Variants in CNNM2 observed in about 807,000 individuals in gnomAD.
The protein encoded by CNNM2 is cyclin and CBS domain divalent metal cation transport mediator 2.
Under a neutral mutation model 66.9 loss-of-function variants are expected in CNNM2, and 12 were observed. The observed-to-expected ratio is 0.18, with a 90% confidence interval of 0.11 to 0.29. The LOEUF (loss-of-function observed/expected upper bound fraction) is 0.29. CNNM2 is among the 10% of genes least tolerant of loss of function. CNNM2 has a pLI of 1.00. For missense variants in CNNM2, 705 were observed against 1,167.7 expected, an observed-to-expected ratio of 0.60 and a Z score of 5.77; for synonymous variants, 557 against 501.8, an observed-to-expected ratio of 1.11 and a Z score of -1.47.
intron 1 of CNNM2, among the ~76,000 whole-genome samples, chr10:102,923,819 C>T (rs1253976477): frequency 6.6e-6 from 1 of 152,178 alleles, no homozygotes; most frequent in Non-Finnish European, 1.5e-5. Flanking sequence ...TAATGTGCTT[C>T]TTCCATGGGC....
At chr10:102,939,799 C>G (rs1460937442) in intron 1 of CNNM2, among the ~76,000 whole-genome samples, 1 of 151,944 alleles carries the variant, frequency 6.6e-6, no homozygotes, top group African/African-American at 2.4e-5. Flanking sequence ...GGTGAAACAC[C>G]GTCTCTACTA....
intron 1 of CNNM2, among the ~76,000 whole-genome samples, chr10:103,004,645 G>T (rs1390409896): frequency 6.6e-6 from 1 of 152,206 alleles, no homozygotes; most frequent in Non-Finnish European, 1.5e-5. Context: ...CATAGGATAT[G>T]CTTGTGTTTG....
At chr10:102,970,173 A>G (rs928952137) in intron 1 of CNNM2, among the ~76,000 whole-genome samples, 1 of 152,166 alleles carries the variant, frequency 6.6e-6, no homozygotes, top group Non-Finnish European at 1.5e-5. Context: ...TATTTTAGCC[A>G]GGTGTGGTGG....
intron 1 of CNNM2, among the ~76,000 whole-genome samples, chr10:102,923,196 C>CT (rs1845720893): frequency 6.6e-6 from 1 of 151,706 alleles, no homozygotes; most frequent in South Asian, 2.1e-4. Flanking sequence ...CTGTGATTGT[C>CT]TTTTTTCTCT....
chr10:102,919,907 G>A lies in CNNM2; in HGVS notation c.1427G>A (p.Ser476Asn). Residue 476 changes from serine to asparagine, a missense_variant, in exon 1 of 8, where the codon AGC (serine) becomes AAC (asparagine). Physicochemically the swap from Ser to Asn is conservative, Grantham distance 46. Transcript: ENST00000369878. ...AACACCATGTCTGAGATCATGGAGA[G>A]CGGCTACACCCGCATTCCAGTGTTT... ...DFNTMSEIME[S>N]GYTRIPVFEG... The A allele has an allele frequency of 2.5e-6, 4 of 1,614,226 alleles. No homozygotes were observed. Among genetic ancestry groups the A allele is most frequent in the Non-Finnish European group, 3.4e-6 (4 of 1,180,046 alleles).
chr10:102,983,168 C>G (rs1174097460), intron 1 of CNNM2, among the ~76,000 whole-genome samples: 1 of 151,662 alleles, frequency 6.6e-6, no homozygotes, highest in Non-Finnish European at 1.5e-5. Context: ...AGACCTTGCT[C>G]AGGTGTGATC....
rs1172740507 is a variant in CNNM2 at position 103,028,824 on chromosome 10, T to C, written c.1622-20883T>C. On this transcript the variant is annotated intron_variant, in intron 1 of 7. Coordinates refer to ENST00000369878, the MANE Select transcript of CNNM2 (RefSeq NM_017649.5). ...TTTCTTTTTCTTTTTCTTTTTTTTT[T>C]TTTCTTTTTTTTTTTTTTGAGACAG... Among the ~76,000 whole-genome samples, 32 of 123,288 alleles carry C rather than the reference T, an allele frequency of 2.6e-4. 1 individual carries two copies. The highest frequency in any genetic ancestry group is 9.1e-4 in the African/African-American group (30 of 33,138). The allele number at this position is 123,288 out of a possible 152,430, so 80.9% of individuals were successfully genotyped here.
intron 1 of CNNM2, among the ~76,000 whole-genome samples, chr10:102,949,504 C>T (rs1846747838): frequency 6.6e-6 from 1 of 151,570 alleles, no homozygotes; most frequent in African/African-American, 2.4e-5. Flanking sequence ...TATCTAGTGG[C>T]CGGGCACAGT....
chr10:103,055,370 G>C (rs538693378), intron 3 of CNNM2, among the ~76,000 whole-genome samples: 3 of 152,248 alleles, frequency 2.0e-5, no homozygotes, highest in Non-Finnish European at 4.4e-5. Context: ...CTTTAAGGTC[G>C]TGTTCTCAGA....
chr10:102,958,682 C>G (rs1847142950), intron 1 of CNNM2, among the ~76,000 whole-genome samples: 1 of 151,770 alleles, frequency 6.6e-6, no homozygotes, highest in South Asian at 2.1e-4. Context: ...TATTGCCAGG[C>G]TGATCTCAAA....
intron 1 of CNNM2, among the ~76,000 whole-genome samples, chr10:103,003,004 A>C (rs571155434): frequency 4.4e-4 from 67 of 152,308 alleles, no homozygotes; most frequent in African/African-American, 1.6e-3. Context: ...AAACAACCCA[A>C]ATGTTCATCA....
chr10:102,975,482 A>AAG, intron 1 of CNNM2, among the ~76,000 whole-genome samples: 1 of 151,538 alleles, frequency 6.6e-6, no homozygotes, highest in East Asian at 1.9e-4. Flanking sequence ...AAAAAAAAAA[A>AAG]AAAAAACAAA....
intron 4 of CNNM2, among the ~76,000 whole-genome samples, chr10:103,060,584 T>C (rs1453088842): frequency 6.6e-6 from 1 of 152,170 alleles, no homozygotes; most frequent in African/African-American, 2.4e-5. Flanking sequence ...GAAAAGGTCA[T>C]ATATTAAAAA....
intron 1 of CNNM2, among the ~76,000 whole-genome samples, chr10:102,985,444 C>A (rs999501568): frequency 6.6e-6 from 1 of 152,160 alleles, no homozygotes; most frequent in African/African-American, 2.4e-5. Flanking sequence ...TCTTTACATA[C>A]CAAGCTCCTC....
At chr10:103,016,210 C>A (rs1011023463) in intron 1 of CNNM2, among the ~76,000 whole-genome samples, 1 of 151,800 alleles carries the variant, frequency 6.6e-6, no homozygotes, top group Non-Finnish European at 1.5e-5. Context: ...GTATTAGGTA[C>A]TGTTAGATAC....
chr10:103,060,022 C>A (rs746396694), intron 4 of CNNM2, among the ~76,000 whole-genome samples: 6 of 152,098 alleles, frequency 3.9e-5, no homozygotes, highest in Non-Finnish European at 7.4e-5. Context: ...TACCTACAGT[C>A]CCAGCTGCTC....
intron 1 of CNNM2, among the ~76,000 whole-genome samples, chr10:103,039,143 A>AT (rs922657861): frequency 5.9e-5 from 9 of 151,450 alleles, no homozygotes; most frequent in South Asian, 2.1e-4. Flanking sequence ...CTAATACTAG[A>AT]TTTTTTTTGC....
chr10:102,965,642 C>A (rs2063451956), intron 1 of CNNM2, among the ~76,000 whole-genome samples: 1 of 152,180 alleles, frequency 6.6e-6, no homozygotes, highest in South Asian at 2.1e-4. Flanking sequence ...GAGTCAGCGT[C>A]TTTATCCTTA....
At chr10:102,993,608 T>TTTG (rs1162798934) in intron 1 of CNNM2, among the ~76,000 whole-genome samples, 1 of 152,200 alleles carries the variant, frequency 6.6e-6, no homozygotes, top group Non-Finnish European at 1.5e-5. Flanking sequence ...GAGTAGGTTT[T>TTTG]TTGTTGTTTC....
Sources: gnomAD v4.1 joint callset for allele counts (sites outside exome capture counted in the v4.1 genomes callset) on GRCh38, gnomAD v4.1.1 for gene constraint, MANE v1.5 for transcripts, NCBI Gene and HGNC (gene_info 2026-07-23, HGNC 2026-07-21) for gene names.